Variants in QKI observed in about 807,000 individuals in gnomAD.
QKI encodes the protein QKI, KH domain containing RNA binding.
QKI carries 10 observed loss-of-function variants against 39.0 expected under a neutral mutation model. The ratio of observed to expected loss-of-function variants is 0.26; its 90% CI spans 0.16 to 0.43. The LOEUF (loss-of-function observed/expected upper bound fraction) is 0.43. Among genes scored for constraint, QKI ranks in the 20% least tolerant of loss-of-function variants. The pLI, the probability that QKI is intolerant of heterozygous loss-of-function variation, is 1.00. For missense variants in QKI, 218 were observed against 428.0 expected (o/e 0.51, Z 4.33); for synonymous variants, 204 against 155.4 (o/e 1.31, Z -2.33).
At chr6:163,568,908 T>G (rs1783535744) in intron 7 of QKI, 1 of 985,720 alleles carries the variant, frequency 1.0e-6, no homozygotes, top group African/African-American at 1.7e-5. Context: ...GGCCAAGACT[T>G]GGCAGAGGAT....
chr6:163,478,839 A>G lies in QKI; in HGVS notation c.345A>G (p.Ala115=). The G allele has an allele frequency of 6.2e-7, 1 of 1,613,974 alleles. No homozygotes were observed. Among genetic ancestry groups the G allele is most frequent in the South Asian group, 1.1e-5 (1 of 91,072 alleles). ...PRGLTAKQLE[A]ETGCKIMVRG... is the part of the protein sequence containing the mutation. ...GACTTACAGCCAAACAACTTGAAGCAGAAACCGGATGTAAAATCATGGTCC... is the reference window on the plus strand; with the variant it reads ...GACTTACAGCCAAACAACTTGAAGCGGAAACCGGATGTAAAATCATGGTCC... Residue 115 remains alanine (A), a synonymous_variant, in exon 3 of 8, where the codon GCA becomes GCG. Transcript: ENST00000361752.
chr6:163,438,112 T>A (rs1311908180), intron 1 of QKI, among the ~76,000 whole-genome samples: 1 of 152,216 alleles, frequency 6.6e-6, no homozygotes, highest in East Asian at 1.9e-4. Flanking sequence ...ATAGTAGATC[T>A]ACATGTGAGA....
intron 4 of QKI, among the ~76,000 whole-genome samples, chr6:163,556,606 C>A (rs907980967): frequency 6.6e-6 from 1 of 151,452 alleles, no homozygotes; most frequent in East Asian, 1.9e-4. Flanking sequence ...TTTATACATA[C>A]CCATAATTGG....
intron 3 of QKI, among the ~76,000 whole-genome samples, chr6:163,514,508 C>T (rs1779673017): frequency 6.6e-6 from 1 of 151,994 alleles, no homozygotes; most frequent in Admixed American, 6.6e-5. Context: ...GTAGTTGGGA[C>T]AGTTCTAAAA....
At chr6:163,471,844 A>AT (rs71023228) in intron 2 of QKI, among the ~76,000 whole-genome samples, 104,741 of 151,972 alleles carry the variant, frequency 0.69, 37,251 homozygotes, top group East Asian at 1. Flanking sequence ...CATTTAGATG[A>AT]TTTTTACAGG....
chr6:163,420,138 G>C (rs1039069470), intron 1 of QKI, among the ~76,000 whole-genome samples: 21 of 145,894 alleles, frequency 1.4e-4, no homozygotes, highest in African/African-American at 5.4e-4. Context: ...ACATGTAAGG[G>C]CTTTTCTTTT....
chr6:163,517,447 A>C (rs545085774), intron 3 of QKI, among the ~76,000 whole-genome samples: 2 of 152,092 alleles, frequency 1.3e-5, no homozygotes, highest in African/African-American at 4.8e-5. Flanking sequence ...CACAGTCTCT[A>C]GCTCTTTTGG....
chr6:163,555,278 T>C (rs1326525729), intron 4 of QKI, among the ~76,000 whole-genome samples: 1 of 152,124 alleles, frequency 6.6e-6, no homozygotes, highest in African/African-American at 2.4e-5. Context: ...CAATTCATGA[T>C]AAATTTCTTT....
chr6:163,535,525 A>T (rs1179746494), intron 4 of QKI, among the ~76,000 whole-genome samples: 1 of 148,638 alleles, frequency 6.7e-6, no homozygotes, highest in Admixed American at 6.7e-5. Context: ...CCAGAGTATA[A>T]TTTTTTTTTT....
intron 3 of QKI, among the ~76,000 whole-genome samples, chr6:163,524,015 C>A (rs1437590813): frequency 6.6e-6 from 1 of 152,194 alleles, no homozygotes; most frequent in Admixed American, 6.5e-5. Flanking sequence ...TATTTGAACT[C>A]ATTCTTCAAT....
rs533087943 is a variant in QKI at position 163,571,818 on chromosome 6, T to G, written c.*1108T>G. On this transcript the variant is annotated 3_prime_UTR_variant, in exon 8 of 8. Coordinates refer to ENST00000361752, the MANE Select transcript of QKI (RefSeq NM_006775.3). Reference sequence around the variant, plus strand: ...AAGACCAAAAGAGCCTTTTTGTCTTTCTTTTTTATTTTTTAAGTATTGGAA... The same window carrying G: ...AAGACCAAAAGAGCCTTTTTGTCTTGCTTTTTTATTTTTTAAGTATTGGAA... 6 of 152,154 alleles carry G rather than the reference T, an allele frequency of 3.9e-5. No homozygotes were observed. Among genetic ancestry groups the G allele is most frequent in the Non-Finnish European group, 7.4e-5 (5 of 68,014 alleles). 9.4% of individuals were successfully genotyped at this position (152,154 alleles called of 1,614,324 possible).
chr6:163,570,174 C>T, intron 7 of QKI: 1 of 985,506 alleles, frequency 1.0e-6, no homozygotes, highest in Non-Finnish European at 1.2e-6. Flanking sequence ...TTATGTTGAA[C>T]CAAATGGTTC....
At chr6:163,559,863 G>A (rs974015527) in intron 4 of QKI, among the ~76,000 whole-genome samples, 20 of 152,282 alleles carry the variant, frequency 1.3e-4, no homozygotes, top group African/African-American at 3.8e-4. Context: ...TTATGAATCA[G>A]AGAGGAACAA....
intron 3 of QKI, among the ~76,000 whole-genome samples, chr6:163,510,757 A>G (rs868810726): frequency 6.6e-6 from 1 of 152,184 alleles, no homozygotes; most frequent in Admixed American, 6.5e-5. Flanking sequence ...TCAGGAGGAC[A>G]TATCAATCAT....
At chr6:163,415,938 C>G (rs1174329183) in intron 1 of QKI, 1 of 511,202 alleles carries the variant, frequency 2.0e-6, no homozygotes, top group Non-Finnish European at 3.9e-6. Context: ...CCGTAGGAGA[C>G]CGAAATTATG....
At chr6:163,567,772 CAAATT>C (rs1783455532) in intron 7 of QKI, 1 of 984,852 alleles carries the variant, frequency 1.0e-6, no homozygotes, top group South Asian at 4.7e-5. Context: ...TTGTTTCCTA[CAAATT>C]AAATTGATCA....
At chr6:163,529,380 T>C (rs1053944172) in intron 3 of QKI, among the ~76,000 whole-genome samples, 1 of 152,182 alleles carries the variant, frequency 6.6e-6, no homozygotes, top group Non-Finnish European at 1.5e-5. Context: ...AGTAAATACT[T>C]GTTTAGAGCC....
chr6:163,497,477 T>A (rs994004990), intron 3 of QKI, among the ~76,000 whole-genome samples: 4 of 152,130 alleles, frequency 2.6e-5, no homozygotes, highest in Non-Finnish European at 4.4e-5. Context: ...AAATTTTTTT[T>A]AACTTATTAA....
rs1319530316 is a variant in QKI at position 163,544,541 on chromosome 6, G to A, written c.546+9416G>A. 2.0e-5 allele frequency among the ~76,000 whole-genome samples: 3 copies of A among 152,152 alleles called. No individual in the cohort carries two copies. The East Asian group carries it at 5.8e-4, about 29-fold the overall frequency. On this transcript the variant is annotated intron_variant, in intron 4 of 7. Coordinates refer to ENST00000361752, the MANE Select transcript of QKI (RefSeq NM_006775.3). ...GATGAACATCACTTACACTTTGCGT[G>A]CCCTCACTCATCCTCAAGATATCAG...
Sources: allele counts gnomAD v4.1 joint callset (sites outside exome capture counted in the v4.1 genomes callset), GRCh38; gene constraint gnomAD v4.1.1; transcripts MANE v1.5; gene names NCBI Gene and HGNC (gene_info 2026-07-23, HGNC 2026-07-21).